The following LRRC28 variants were observed in gnomAD, a reference collection of about 807,000 sequenced individuals.
LRRC28 encodes leucine-rich repeat-containing protein 28.
A neutral mutation model predicts 45.7 loss-of-function variants in LRRC28; 39 were observed. That is an observed-to-expected ratio of 0.85 (90% confidence interval 0.66 to 1.12). LRRC28 has a LOEUF of 1.12. LRRC28 is among the 50% of genes most tolerant of loss of function. The pLI is 0.00. For synonymous variants in LRRC28, 206 were observed against 178.8 expected, an observed-to-expected ratio of 1.15 and a Z score of -1.22; for missense variants, 435 against 438.5, an observed-to-expected ratio of 0.99 and a Z score of 0.07.
chr15:99,278,297 G>A (rs1165018854), intron 3 of LRRC28, among the ~76,000 whole-genome samples: 1 of 152,204 alleles, frequency 6.6e-6, no homozygotes, highest in Non-Finnish European at 1.5e-5. Flanking sequence ...CACCCAGGCT[G>A]GAGTGCAGTG....
chr15:99,272,415 T>G (rs1197629942), intron 2 of LRRC28, among the ~76,000 whole-genome samples: 3 of 152,188 alleles, frequency 2.0e-5, no homozygotes, highest in Non-Finnish European at 4.4e-5. Flanking sequence ...CATGGCCAGC[T>G]TGATGAAAGA....
At chr15:99,260,099 T>G (rs2081152070) in intron 2 of LRRC28, 1 of 475,346 alleles carries the variant, frequency 2.1e-6, no homozygotes, top group Non-Finnish European at 4.1e-6. Context: ...AGACTTGTTT[T>G]GGATGCCCCC....
At chr15:99,361,271 T>C in intron 7 of LRRC28, 65 bp from the exon 8 acceptor site, 1 of 1,511,824 alleles carries the variant, frequency 6.6e-7, no homozygotes, top group South Asian at 1.3e-5. Context: ...GATTAACACA[T>C]TTTATTGGCA....
chr15:99,282,177 G>GTTTTTTTTTTTTTTTGTTTT (rs766338889), intron 3 of LRRC28, among the ~76,000 whole-genome samples: 1 of 98,048 alleles, frequency 1.0e-5, no homozygotes, highest in African/African-American at 4.8e-5. Flanking sequence ...ATTTTTGGAG[G>GTTTTTTTTTTTTTTTGTTTT]TTTTTTTTTT....
chr15:99,344,770 A>G (rs1223674984), intron 6 of LRRC28, among the ~76,000 whole-genome samples: 1 of 152,188 alleles, frequency 6.6e-6, no homozygotes, highest in Non-Finnish European at 1.5e-5. Context: ...ATGTCACCTC[A>G]TTTAATTTGC....
chr15:99,326,584 T>C (rs1297491814), intron 5 of LRRC28: 9 of 152,266 alleles, frequency 5.9e-5, no homozygotes, highest in African/African-American at 2.2e-4. Flanking sequence ...GCTGACTCTT[T>C]TGTGGTATTT....
chr15:99,319,591 A>G (rs967135132), intron 5 of LRRC28, among the ~76,000 whole-genome samples: 3 of 152,060 alleles, frequency 2.0e-5, no homozygotes, highest in Non-Finnish European at 4.4e-5. Flanking sequence ...TTGGAAGAAT[A>G]CTGAATGAAA....
In LRRC28 at chr15:99,388,272, A is replaced by G. The variant is rs1958087419; in HGVS notation, c.*2170A>G. ...TTTTTCTATTTCATCCTCTACAATC[A>G]TATGTCATGGAATGGAGCTATGAAA... On this transcript the variant is annotated 3_prime_UTR_variant, in exon 10 of 10. Transcript: ENST00000301981. The G allele has an allele frequency of 1.3e-5, 2 of 152,230 alleles. No homozygotes were observed. Among genetic ancestry groups the G allele is most frequent in the African/African-American group, 4.8e-5 (2 of 41,448 alleles). The allele number at this position is 152,230 out of a possible 1,614,324, so 9.4% of individuals were successfully genotyped here.
At position 99,268,919 on chromosome 15, in the gene LRRC28, A is replaced by G. The variant is rs574384877; in HGVS notation, c.169-7657A>G. Reference sequence around the variant, plus strand: ...TCCAACCCTTGTTTCCGACATTTACATAACTTAAAGTTTTAACAAATATTA... The same window carrying G: ...TCCAACCCTTGTTTCCGACATTTACGTAACTTAAAGTTTTAACAAATATTA... On this transcript the variant is annotated intron_variant, in intron 2 of 9. Coordinates refer to ENST00000301981, the MANE Select transcript of LRRC28 (RefSeq NM_144598.5). 1.4e-4 allele frequency among the ~76,000 whole-genome samples: 22 copies of G among 152,364 alleles called. No individual in the cohort carries two copies. The East Asian group carries it at 4.0e-3, about 28-fold the overall frequency.
At chr15:99,273,494 C>T (rs1332635196) in intron 2 of LRRC28, among the ~76,000 whole-genome samples, 1 of 152,104 alleles carries the variant, frequency 6.6e-6, no homozygotes, top group Non-Finnish European at 1.5e-5. Context: ...GCCTCGGCCT[C>T]CCAAAGTGCT....
chr15:99,293,300 GTAAAATAC>G (rs1277597144), intron 5 of LRRC28, among the ~76,000 whole-genome samples: 2 of 152,006 alleles, frequency 1.3e-5, no homozygotes, highest in East Asian at 3.9e-4. Context: ...TCAGTTGTCT[GTAAAATAC>G]TAAGGTTGGG....
At chr15:99,274,231 A>G (rs2081558384) in intron 2 of LRRC28, among the ~76,000 whole-genome samples, 1 of 152,246 alleles carries the variant, frequency 6.6e-6, no homozygotes, top group Admixed American at 6.5e-5. Context: ...CTTGGTTATC[A>G]CAAAAGGGAA....
At chr15:99,334,856 G>T (rs1017143426) in intron 6 of LRRC28, among the ~76,000 whole-genome samples, 1 of 152,046 alleles carries the variant, frequency 6.6e-6, no homozygotes, top group African/African-American at 2.4e-5. Context: ...ACTCATAAAA[G>T]CATTTTTATA....
At chr15:99,369,577 T>C (rs1957426360) in intron 9 of LRRC28, among the ~76,000 whole-genome samples, 1 of 152,204 alleles carries the variant, frequency 6.6e-6, no homozygotes, top group Non-Finnish European at 1.5e-5. Context: ...ACCTTCTACT[T>C]TGTTGCTCTT....
intron 9 of LRRC28, among the ~76,000 whole-genome samples, chr15:99,365,135 C>T (rs1257383856): frequency 6.6e-6 from 1 of 152,044 alleles, no homozygotes; most frequent in Admixed American, 6.6e-5. Context: ...TAAAGTAGAT[C>T]CTTCAAATCA....
chr15:99,362,070 C>T (rs138863980), intron 8 of LRRC28, among the ~76,000 whole-genome samples: 46 of 152,196 alleles, frequency 3.0e-4, no homozygotes, highest in South Asian at 1.0e-3. Context: ...AGGATTTGGC[C>T]GTGCACAGAT....
intron 6 of LRRC28, among the ~76,000 whole-genome samples, chr15:99,334,688 A>G (rs534433618): frequency 6.6e-6 from 1 of 152,322 alleles, no homozygotes; most frequent in South Asian, 2.1e-4. Flanking sequence ...GACATATTAT[A>G]TGTCATAGTA....
At chr15:99,272,030 G>C (rs2081495316) in intron 2 of LRRC28, among the ~76,000 whole-genome samples, 1 of 152,184 alleles carries the variant, frequency 6.6e-6, no homozygotes, top group Admixed American at 6.5e-5. Context: ...TTAAATTTAA[G>C]TTGTTGATCC....
intron 5 of LRRC28, among the ~76,000 whole-genome samples, chr15:99,295,725 A>T (rs1271195675): frequency 6.6e-6 from 1 of 152,248 alleles, no homozygotes; most frequent in Non-Finnish European, 1.5e-5. Flanking sequence ...TGCATACCAA[A>T]AAAGGAAGGA....
Sources: gnomAD v4.1 joint callset for allele counts (sites outside exome capture counted in the v4.1 genomes callset) on GRCh38, gnomAD v4.1.1 for gene constraint, MANE v1.5 for transcripts, NCBI Gene and HGNC (gene_info 2026-07-23, HGNC 2026-07-21) for gene names.